PTPRD: variants seen among roughly 807,000 people sequenced by gnomAD.
PTPRD encodes protein tyrosine phosphatase receptor type D, also known as receptor-type tyrosine-protein phosphatase delta.
A neutral mutation model predicts 214.5 loss-of-function variants in PTPRD; 34 were observed. That is an observed-to-expected ratio of 0.16 (90% CI 0.12 to 0.21). The LOEUF (loss-of-function observed/expected upper bound fraction) is 0.21. Ranked by LOEUF, PTPRD falls within the 10% of genes least tolerant of loss-of-function variation. The pLI is 1.00. For synonymous variants in PTPRD, 1,128 were observed against 845.7 expected (o/e 1.33, Z -5.79); for missense variants, 2,545 against 2,398.7 (o/e 1.06, Z -1.27).
intron 11 of PTPRD, among the ~76,000 whole-genome samples, chr9:8,831,905 TA>T (rs2097299924): frequency 1.0e-5 from 1 of 99,132 alleles, no homozygotes; most frequent in Non-Finnish European, 2.0e-5. Context: ...ATTTCTCCTT[TA>T]GTGCTTTTTT....
chr9:9,536,097 C>A (rs964637556), intron 8 of PTPRD, among the ~76,000 whole-genome samples: 5 of 152,110 alleles, frequency 3.3e-5, no homozygotes, highest in South Asian at 2.1e-4. Context: ...GTTACTATTT[C>A]TGTTACTGTC....
chr9:9,651,826 GTTTTTT>G (rs869105633), intron 7 of PTPRD, among the ~76,000 whole-genome samples: 12 of 55,080 alleles, frequency 2.2e-4, no homozygotes, highest in Non-Finnish European at 3.8e-4. Context: ...TTCAAGGTTT[GTTTTTT>G]TTTTTTTTTT....
At chr9:10,347,468 C>T (rs1415510133) in intron 2 of PTPRD, among the ~76,000 whole-genome samples, 16 of 143,130 alleles carry the variant, frequency 1.1e-4, no homozygotes, top group Admixed American at 2.9e-4. Context: ...TGGAGTGCAA[C>T]GGCACAATCT....
At chr9:9,704,691 C>T (rs1235416775) in intron 7 of PTPRD, among the ~76,000 whole-genome samples, 1 of 152,144 alleles carries the variant, frequency 6.6e-6, no homozygotes, top group Non-Finnish European at 1.5e-5. Flanking sequence ...CCTGATCCAT[C>T]AGGAAAAAAA....
intron 8 of PTPRD, among the ~76,000 whole-genome samples, chr9:9,457,254 T>C (rs1022283494): frequency 8.6e-5 from 13 of 151,910 alleles, no homozygotes; most frequent in Non-Finnish European, 1.9e-4. Flanking sequence ...AATATTTGCC[T>C]AGACAAATAA....
At chr9:8,777,774 T>A (rs762045836) in intron 11 of PTPRD, among the ~76,000 whole-genome samples, 1 of 152,188 alleles carries the variant, frequency 6.6e-6, no homozygotes, top group Non-Finnish European at 1.5e-5. Context: ...AGTCCTATAT[T>A]CATTGTACCA....
intron 5 of PTPRD, among the ~76,000 whole-genome samples, chr9:9,813,570 A>T (rs1011275674): frequency 7.2e-5 from 11 of 152,092 alleles, no homozygotes; most frequent in Non-Finnish European, 1.0e-4. Flanking sequence ...TGAGTAATGA[A>T]GAAATAGAAA....
At chr9:8,780,783 T>C (rs1264475029) in intron 11 of PTPRD, among the ~76,000 whole-genome samples, 1 of 152,212 alleles carries the variant, frequency 6.6e-6, no homozygotes, top group Non-Finnish European at 1.5e-5. Context: ...AAGTCATCCT[T>C]AAACCCCAGT....
intron 11 of PTPRD, among the ~76,000 whole-genome samples, chr9:8,836,000 G>A (rs1464332838): frequency 6.6e-6 from 1 of 152,174 alleles, no homozygotes; most frequent in African/African-American, 2.4e-5. Flanking sequence ...CTGTAACACA[G>A]TAGGAACTTC....
At chr9:8,477,192 T>C (rs1339770596) in intron 30 of PTPRD, among the ~76,000 whole-genome samples, 3 of 152,138 alleles carry the variant, frequency 2.0e-5, no homozygotes, top group African/African-American at 7.2e-5. Context: ...ATATTCTGCT[T>C]TGCCCGTCTG....
At chr9:8,828,194 C>T (rs1190492568) in intron 11 of PTPRD, among the ~76,000 whole-genome samples, 1 of 152,180 alleles carries the variant, frequency 6.6e-6, no homozygotes, top group African/African-American at 2.4e-5. Context: ...TACTCAAAGA[C>T]TTGTGTTTAA....
intron 11 of PTPRD, among the ~76,000 whole-genome samples, chr9:8,785,903 T>C (rs1350523435): frequency 1.3e-5 from 2 of 152,196 alleles, no homozygotes; most frequent in African/African-American, 4.8e-5. Flanking sequence ...CTATGGCTAC[T>C]AGTAAGGAAA....
intron 5 of PTPRD, among the ~76,000 whole-genome samples, chr9:9,903,751 G>A (rs752080765): frequency 5.9e-5 from 9 of 151,972 alleles, no homozygotes; most frequent in Non-Finnish European, 1.2e-4. Context: ...AAATTCTAAA[G>A]TACTTGAAGT....
chr9:8,523,262 C>G (rs958589036), intron 19 of PTPRD, among the ~76,000 whole-genome samples: 2 of 151,992 alleles, frequency 1.3e-5, no homozygotes, highest in African/African-American at 4.8e-5. Flanking sequence ...GGAACACTGA[C>G]CAAGTTCACT....
intron 9 of PTPRD, among the ~76,000 whole-genome samples, chr9:9,309,562 C>T (rs1157481954): frequency 6.6e-6 from 1 of 152,116 alleles, no homozygotes; most frequent in Non-Finnish European, 1.5e-5. Flanking sequence ...GGATGCATTT[C>T]TTTGAGGCTA....
At chr9:9,082,724 T>C (rs2099761068) in intron 10 of PTPRD, among the ~76,000 whole-genome samples, 2 of 152,032 alleles carry the variant, frequency 1.3e-5, no homozygotes, top group Non-Finnish European at 2.9e-5. Flanking sequence ...AAAATCAACA[T>C]GCAAAAATCA....
intron 14 of PTPRD, among the ~76,000 whole-genome samples, chr9:8,577,483 G>A (rs1229231984): frequency 2.6e-5 from 4 of 152,050 alleles, no homozygotes; most frequent in Admixed American, 6.5e-5. Context: ...TGGAACTCCC[G>A]ACCTCAGGTG....
chr9:9,075,807 T>C (rs2099750263), intron 10 of PTPRD, among the ~76,000 whole-genome samples: 2 of 152,208 alleles, frequency 1.3e-5, no homozygotes, highest in Admixed American at 1.3e-4. Flanking sequence ...ATTCAGTCTT[T>C]CATTGATGGA....
At chr9:9,861,831 T>G (rs780243444) in intron 5 of PTPRD, among the ~76,000 whole-genome samples, 2 of 152,202 alleles carry the variant, frequency 1.3e-5, no homozygotes, top group East Asian at 1.9e-4. Flanking sequence ...TAATTACATC[T>G]ATGTTTATAT....
Sources: allele counts gnomAD v4.1 joint callset (sites outside exome capture counted in the v4.1 genomes callset), GRCh38; gene constraint gnomAD v4.1.1; transcripts MANE v1.5; gene names NCBI Gene and HGNC (gene_info 2026-07-23, HGNC 2026-07-21).